Variants in MAP3K13 observed in about 807,000 individuals in gnomAD.
The protein encoded by MAP3K13 is mitogen-activated protein kinase kinase kinase 13.
A neutral mutation model predicts 104.0 loss-of-function variants in MAP3K13; 52 were observed. The observed-to-expected ratio is 0.50, with a 90% confidence interval of 0.40 to 0.63. MAP3K13 has a LOEUF of 0.63. MAP3K13 is among the 20% of genes least tolerant of loss of function. The pLI, the probability that MAP3K13 is intolerant of heterozygous loss-of-function variation, is 0.00. For missense variants in MAP3K13, 914 were observed against 1,218.5 expected (o/e 0.75, Z 3.72); for synonymous variants, 394 against 442.2 (o/e 0.89, Z 1.37).
chr3:185,427,235 G>A (rs975727244), intron 1 of MAP3K13, among the ~76,000 whole-genome samples: 9 of 151,410 alleles, frequency 5.9e-5, no homozygotes, highest in Non-Finnish European at 8.8e-5. Flanking sequence ...GTGGTGGTGC[G>A]TGCCTGTAAT....
chr3:185,357,462 A>AG (rs922465798), intron 2 of MAP3K13, among the ~76,000 whole-genome samples: 6 of 151,240 alleles, frequency 4.0e-5, no homozygotes, highest in African/African-American at 1.2e-4. Flanking sequence ...AAAAAAAAAA[A>AG]AAAAAGAAAA....
chr3:185,434,248 G>T (rs1714902999), intron 2 of MAP3K13, among the ~76,000 whole-genome samples: 1 of 152,104 alleles, frequency 6.6e-6, no homozygotes, highest in African/African-American at 2.4e-5. Context: ...ACAATGGAAG[G>T]CTAATAGATA....
intron 2 of MAP3K13, among the ~76,000 whole-genome samples, chr3:185,331,280 A>T (rs888376240): frequency 6.6e-6 from 1 of 151,766 alleles, no homozygotes; most frequent in African/African-American, 2.4e-5. Flanking sequence ...TTTAGTAAGG[A>T]GATGGGGTTT....
At chr3:185,346,437 C>T (rs1280126474) in intron 2 of MAP3K13, among the ~76,000 whole-genome samples, 1 of 152,082 alleles carries the variant, frequency 6.6e-6, no homozygotes, top group Non-Finnish European at 1.5e-5. Context: ...TGTGGACTGC[C>T]TTTTTTCACA....
chr3:185,445,402 T>C (rs887858109), intron 4 of MAP3K13, among the ~76,000 whole-genome samples: 10 of 152,224 alleles, frequency 6.6e-5, no homozygotes, highest in East Asian at 1.9e-4. Flanking sequence ...CTCCTTGCTT[T>C]ACTTGCAAGT....
At chr3:185,421,418 G>A (rs1272953253) in intron 1 of MAP3K13, among the ~76,000 whole-genome samples, 2 of 151,894 alleles carry the variant, frequency 1.3e-5, no homozygotes, top group Non-Finnish European at 2.9e-5. Flanking sequence ...GGCTGATCTC[G>A]AACTCCTGAC....
chr3:185,455,867 G>C (rs1022998968), intron 7 of MAP3K13, among the ~76,000 whole-genome samples: 1 of 52,974 alleles, frequency 1.9e-5, no homozygotes, highest in African/African-American at 4.6e-5. Flanking sequence ...ATATATATGA[G>C]ATATAGATGA....
At chr3:185,392,792 T>C (rs1470812953) in intron 1 of MAP3K13, among the ~76,000 whole-genome samples, 3 of 152,126 alleles carry the variant, frequency 2.0e-5, no homozygotes, top group Admixed American at 2.0e-4. Context: ...CTCATGCTTG[T>C]AATCCCAGCA....
intron 2 of MAP3K13, among the ~76,000 whole-genome samples, chr3:185,293,916 TATTTAATATTTTA>T (rs1720831818): frequency 6.6e-6 from 1 of 152,230 alleles, no homozygotes; most frequent in African/African-American, 2.4e-5. Flanking sequence ...GCCTTATGGA[TATTTAATATTTTA>T]ATATCTATTC....
intron 1 of MAP3K13, among the ~76,000 whole-genome samples, chr3:185,371,758 G>T (rs1421171174): frequency 6.6e-6 from 1 of 152,188 alleles, no homozygotes; most frequent in Non-Finnish European, 1.5e-5. Context: ...TAAACAGAAG[G>T]GAGTGGATCT....
chr3:185,429,765 A>T (rs1027451134), intron 2 of MAP3K13, among the ~76,000 whole-genome samples: 1 of 152,250 alleles, frequency 6.6e-6, no homozygotes, highest in African/African-American at 2.4e-5. Context: ...TAGGGCTTAG[A>T]TTATAGTAAA....
At chr3:185,400,692 G>A (rs1241514525) in intron 1 of MAP3K13, among the ~76,000 whole-genome samples, 1 of 152,076 alleles carries the variant, frequency 6.6e-6, no homozygotes, top group African/African-American at 2.4e-5. Flanking sequence ...TCAAAGACAC[G>A]AAAGATCTAA....
chr3:185,393,144 A>G (rs1645138058), intron 1 of MAP3K13, among the ~76,000 whole-genome samples: 1 of 151,810 alleles, frequency 6.6e-6, no homozygotes, highest in South Asian at 2.1e-4. Flanking sequence ...AAGTATGCAA[A>G]TGTAAGAGAT....
At chr3:185,453,698 G>A (rs1487370537) in intron 7 of MAP3K13, among the ~76,000 whole-genome samples, 2 of 150,630 alleles carry the variant, frequency 1.3e-5, no homozygotes, top group African/African-American at 2.4e-5. Context: ...GAACCTGGGA[G>A]GCGGAGGATG....
chr3:185,297,454 G>T, intron 2 of MAP3K13, among the ~76,000 whole-genome samples: 1 of 152,138 alleles, frequency 6.6e-6, no homozygotes, highest in East Asian at 1.9e-4. Context: ...TAGGTTATTG[G>T]CTGGGCGCAG....
chr3:185,328,473 C>T (rs1722120089), intron 2 of MAP3K13, among the ~76,000 whole-genome samples: 1 of 152,134 alleles, frequency 6.6e-6, no homozygotes, highest in African/African-American at 2.4e-5. Context: ...TTGTCTTGAA[C>T]TCTTGACCTC....
chr3:185,451,221 A>G, intron 6 of MAP3K13, 66 bp from the exon 7 acceptor site: 1 of 1,161,274 alleles, frequency 8.6e-7, no homozygotes, highest in Non-Finnish European at 1.2e-6. Flanking sequence ...TTCATAAAGT[A>G]AAATAAAATC....
In MAP3K13 at chr3:185,455,007, AGATATATAT is replaced by A. The variant is rs1429346171; in HGVS notation, c.1278+3624_1278+3632del. ...ATATGAGATATATATGATATATATG[AGATATATAT>A]GATATATATGAGATATATATGATAT... On this transcript the variant is annotated intron_variant, in intron 7 of 13. Transcript: ENST00000265026. Among the ~76,000 whole-genome samples, 78 of 42,614 alleles carry A rather than the reference AGATATATAT, an allele frequency of 1.8e-3. 3 individuals carry two copies. The highest frequency in any genetic ancestry group is 4.2e-3 in the African/African-American group (72 of 17,244). 28.0% of individuals were successfully genotyped at this position (42,614 alleles called of 152,430 possible). A position where few individuals can be genotyped will look rare whatever the true frequency, so the allele number is the denominator to read the frequency against.
intron 7 of MAP3K13, among the ~76,000 whole-genome samples, chr3:185,454,766 A>AGATATATATAT (rs1716268764): frequency 1.2e-4 from 11 of 95,622 alleles, no homozygotes; most frequent in African/African-American, 3.7e-4. Flanking sequence ...GATATATATG[A>AGATATATATAT]CATATATATG....
Sources: gnomAD v4.1 joint callset for allele counts (sites outside exome capture counted in the v4.1 genomes callset) on GRCh38, gnomAD v4.1.1 for gene constraint, MANE v1.5 for transcripts, NCBI Gene and HGNC (gene_info 2026-07-23, HGNC 2026-07-21) for gene names.